The following DOC2A variants were observed in gnomAD, a reference collection of about 807,000 sequenced individuals.
The protein encoded by DOC2A is double C2-like domain-containing protein alpha.
In DOC2A, 28 loss-of-function variants were observed where a neutral mutation model predicts 40.6. The ratio of observed to expected loss-of-function variants is 0.69; its 90% CI spans 0.51 to 0.95. The LOEUF is 0.95. Ranked by LOEUF, DOC2A falls within the 40% of genes least tolerant of loss-of-function variation. The pLI, the probability that DOC2A is intolerant of heterozygous loss-of-function variation, is 0.00. For missense variants in DOC2A, 474 were observed against 552.5 expected (o/e 0.86, Z 1.42); for synonymous variants, 241 against 236.9 (o/e 1.02, Z -0.16).
Position 30,005,877 on chromosome 16 carries a change from G to A in DOC2A, c.*309C>T, listed in dbSNP as rs995401913. 4.7e-5 allele frequency: 23 copies of A among 494,008 alleles called. No individual in the cohort carries two copies. The highest frequency in any genetic ancestry group is 5.2e-4 in the Middle Eastern group (1 of 1,906). The allele number at this position is 494,008 out of a possible 1,614,324, so 30.6% of individuals were successfully genotyped here. ...CTCCTCCCTGTTGGGGGAGAGGGAC[G>A]GGGCAGCGTGGAGAGGCAGGAGTGA... is the stretch of plus-strand genomic sequence containing the variant. On this transcript the variant is annotated 3_prime_UTR_variant, in exon 11 of 11. Transcript: ENST00000350119.
At position 30,010,934 on chromosome 16, in the gene DOC2A, G is replaced by T; in HGVS notation, c.-45C>A. On this transcript the variant is annotated 5_prime_UTR_variant, in exon 1 of 11. Coordinates refer to ENST00000350119, the MANE Select transcript of DOC2A (RefSeq NM_003586.3). This position sits in a 1 kb window ranked among gnomAD's most constrained non-coding sequence, Gnocchi z 4.2. ...CTCCAACAGGTGCCCAGGCACTGGGGGGACGGCGGGCGCAGGCTGGGCGGC... is the reference window on the plus strand; with the variant it reads ...CTCCAACAGGTGCCCAGGCACTGGGTGGACGGCGGGCGCAGGCTGGGCGGC... 1 of 1,014,470 alleles carries T rather than the reference G, an allele frequency of 9.9e-7. No homozygotes were observed. Among genetic ancestry groups the T allele is most frequent in the Non-Finnish European group, 1.2e-6 (1 of 847,284 alleles). The allele number at this position is 1,014,470 out of a possible 1,614,324, so 62.8% of individuals were successfully genotyped here.
chr16:30,006,856 C>T lies in DOC2A; in HGVS notation c.807G>A (p.Leu269=), dbSNP rs375450192. The change falls in exon 8 of 11, where the codon CTG becomes CTA. Residue 269 remains leucine (L), a synonymous_variant. Coordinates refer to ENST00000350119, the MANE Select transcript of DOC2A (RefSeq NM_003586.3). This position sits in a 1 kb window ranked among gnomAD's most constrained non-coding sequence, Gnocchi z 6.2. ...LSYSSRRRGL[L]VGILRCAHLA... ...GATGGGCGCAGCGCAAGATGCCTAC[C>T]AGCAGTCCCCGGCGCCGCGAGCTGT... The T allele has an allele frequency of 3.2e-5, 51 of 1,613,602 alleles. No individual in the cohort carries two copies. Among genetic ancestry groups the T allele is most frequent in the Non-Finnish European group, 4.1e-5 (48 of 1,179,834 alleles).
upstream of DOC2A, chr16:30,013,622 A>AAAAAAAAAAAAAAAAT (rs2070821662): frequency 1.6e-4 from 22 of 141,598 alleles, no homozygotes; most frequent in East Asian, 6.1e-4. Context: ...AAAAAAAAAA[A>AAAAAAAAAAAAAAAAT]AAAAATCCTT....
chr16:30,008,881 T>G, intron 5 of DOC2A, 115 bp downstream of exon 5: 1 of 769,018 alleles, frequency 1.3e-6, no homozygotes. Context: ...GAGCCGCTGA[T>G]GGTTCTTGAG....
chr16:30,009,893 T>G lies in DOC2A; in HGVS notation c.262+68A>C. On this transcript the variant is annotated intron_variant, in intron 2 of 10. Transcript: ENST00000350119. The surrounding 1 kb of genome is among the most constrained non-coding windows in gnomAD (Gnocchi z 4.1). ...GCACAGCCAGCAGGGCCCATCCCCCTCTCCCCCCACCACGGCAAGCCTGGA... is the reference window on the plus strand; with the variant it reads ...GCACAGCCAGCAGGGCCCATCCCCCGCTCCCCCCACCACGGCAAGCCTGGA... 1 of 1,299,196 alleles carries G rather than the reference T, an allele frequency of 7.7e-7. No individual in the cohort carries two copies. The highest frequency in any genetic ancestry group is 1.0e-6 in the Non-Finnish European group (1 of 957,010). 80.5% of individuals were successfully genotyped at this position (1,299,196 alleles called of 1,614,324 possible). A position where few individuals can be genotyped will look rare whatever the true frequency, so the allele number is the denominator to read the frequency against.
chr16:30,016,858 G>A (rs550803402), upstream of DOC2A, among the ~76,000 whole-genome samples: 43 of 152,236 alleles, frequency 2.8e-4, no homozygotes, highest in African/African-American at 1.0e-3. Flanking sequence ...GGAAACTGAC[G>A]TGGGGACAGG....
rs1448666271 is a variant in DOC2A, at chr16:30,006,157, T to C, written c.*29A>G. On this transcript the variant is annotated 3_prime_UTR_variant, in exon 11 of 11. Coordinates refer to ENST00000350119, the MANE Select transcript of DOC2A (RefSeq NM_003586.3). This position sits in a 1 kb window ranked among gnomAD's most constrained non-coding sequence, Gnocchi z 6.2. Reference sequence around the variant, plus strand: ...AGGTTGGGTACTGGACCCGGCTCGATGGGCCTGTGCCGGGACACTGCTGTC... The same window carrying C: ...AGGTTGGGTACTGGACCCGGCTCGACGGGCCTGTGCCGGGACACTGCTGTC... 1.9e-6 allele frequency: 3 copies of C among 1,556,484 alleles called. No individual in the cohort carries two copies. The highest frequency in any genetic ancestry group is 2.7e-5 in the African/African-American group (2 of 73,860).
chr16:30,017,725 G>C (rs936794455), intron 1 of DOC2A, among the ~76,000 whole-genome samples: 1 of 152,152 alleles, frequency 6.6e-6, no homozygotes, highest in Non-Finnish European at 1.5e-5. Context: ...GGGAGGCCAA[G>C]GTGGGCGGAT....
upstream of DOC2A, among the ~76,000 whole-genome samples, chr16:30,022,436 C>T (rs752960895): frequency 2.0e-4 from 30 of 151,684 alleles, no homozygotes; most frequent in Non-Finnish European, 3.5e-4. Flanking sequence ...TTTGGGAGGC[C>T]GAAGCTGGAG....
intron 5 of DOC2A, chr16:30,007,513 C>T (rs1415450435): frequency 4.7e-6 from 3 of 634,324 alleles, no homozygotes; most frequent in African/African-American, 1.8e-5. Context: ...CATGCTCAGC[C>T]ATTGTGGGAA....
Position 30,007,041 on chromosome 16 carries a change from T to A in DOC2A, c.704A>T (p.Tyr235Phe). 6.2e-7 allele frequency: 1 copy of A among 1,613,714 alleles called. No individual in the cohort carries two copies. The highest frequency in any genetic ancestry group is 8.5e-7 in the Non-Finnish European group (1 of 1,179,912). ...CATGAGGTGCCTCACCTCCTTCAGA[T>A]AACAGGAGATGCCCCTCAGCGCCGC... ...MSAALRGISC[Y>F]LKELEQAEQG... The change falls in exon 7 of 11, where the codon TAT becomes TTT. Residue 235 changes from tyrosine (Y) to phenylalanine (F), a missense_variant. Physicochemically the swap from Tyr to Phe is conservative, Grantham distance 22. Transcript: ENST00000350119.
chr16:30,007,405 A>G (rs1331896732), intron 5 of DOC2A, 106 bp from the exon 6 acceptor site: 6 of 1,501,784 alleles, frequency 4.0e-6, no homozygotes, highest in South Asian at 2.3e-5. Flanking sequence ...ACTACGTCTC[A>G]TCTGGAAGAC....
rs759227165 is a variant in DOC2A at position 30,009,043 on chromosome 16, C to T, written c.480G>A (p.Leu160=). The T allele has an allele frequency of 1.2e-5, 19 of 1,614,020 alleles. No homozygotes were observed. Among genetic ancestry groups the T allele is most frequent in the African/African-American group, 2.7e-5 (2 of 74,930 alleles). Residue 160 remains leucine (L), a synonymous_variant, in exon 5 of 11, where the codon CTG becomes CTA. Transcript: ENST00000350119. The surrounding 1 kb of genome is among the most constrained non-coding windows in gnomAD (Gnocchi z 4.1). ...CGTCATCTGTGATCCCGCTGTAAGT[C>T]AGGTCCTCATTCCACACGGGATTCA... The part of the protein sequence containing the change: ...NTLNPVWNED[L]TYSGITDDDI...
chr16:30,014,254 G>T (rs1037052553), upstream of DOC2A, among the ~76,000 whole-genome samples: 4 of 148,018 alleles, frequency 2.7e-5, no homozygotes, highest in Non-Finnish European at 4.4e-5. Context: ...CAATCCTCCC[G>T]CTTCGGCCTC....
Position 30,006,700 on chromosome 16 carries a change from C to T in DOC2A, c.879-23G>A, listed in dbSNP as rs545493325. The stretch of plus-strand genomic sequence containing the variant: ...TACCTGGGGGTGGGGTGGAGGGAGA[C>T]GAACTGAGGGGTGAGGGACAGGCCA... On this transcript the variant is annotated intron_variant, in intron 8 of 10. Transcript: ENST00000350119. The surrounding 1 kb of genome is among the most constrained non-coding windows in gnomAD (Gnocchi z 6.2). The T allele has an allele frequency of 9.9e-6, 16 of 1,613,598 alleles. No homozygotes were observed. Among genetic ancestry groups the T allele is most frequent in the African/African-American group, 2.7e-5 (2 of 74,820 alleles).
At position 30,006,094 on chromosome 16, in the gene DOC2A, C is replaced by G; in HGVS notation, c.*92G>C. On this transcript the variant is annotated 3_prime_UTR_variant, in exon 11 of 11. Coordinates refer to ENST00000350119, the MANE Select transcript of DOC2A (RefSeq NM_003586.3). This position sits in a 1 kb window ranked among gnomAD's most constrained non-coding sequence, Gnocchi z 6.2. The stretch of plus-strand genomic sequence containing the variant: ...AAAAATAGGTAGTGCAGGGTGGGGG[C>G]AGCCCACCCTGTGTAAACGTGCAAC... 3 of 1,400,584 alleles carry G rather than the reference C, an allele frequency of 2.1e-6. No individual in the cohort carries two copies. The highest frequency in any genetic ancestry group is 2.5e-5 in the East Asian group (1 of 39,738). 86.8% of individuals were successfully genotyped at this position (1,400,584 alleles called of 1,614,324 possible).
At chr16:30,017,278 CAAA>C (rs34047589), upstream of DOC2A, among the ~76,000 whole-genome samples, 14 of 124,982 alleles carry the variant, frequency 1.1e-4, no homozygotes, top group Middle Eastern at 4.1e-3. Context: ...GACCCTGTCT[CAAA>C]AAAAAAAAAA....
rs1051440986 is a variant in DOC2A, at chr16:30,007,015, C to T, written c.714+16G>A. ...CTCCCACCCACATGCATCCCCATCC[C>T]CATGAGGTGCCTCACCTCCTTCAGA... On this transcript the variant is annotated intron_variant, in intron 7 of 10. Coordinates refer to ENST00000350119, the MANE Select transcript of DOC2A (RefSeq NM_003586.3). 6.2e-7 allele frequency: 1 copy of T among 1,613,802 alleles called. No individual in the cohort carries two copies. Among genetic ancestry groups the T allele is most frequent in the African/African-American group, 1.3e-5 (1 of 74,854 alleles).
intron 5 of DOC2A, 30 bp from the exon 6 acceptor site, chr16:30,007,329 T>G: frequency 1.2e-6 from 2 of 1,613,388 alleles, no homozygotes; most frequent in South Asian, 2.2e-5. Context: ...TCAGGGCCCC[T>G]GGGGTACCTG....
Sources: gnomAD v4.1 joint callset for allele counts (sites outside exome capture counted in the v4.1 genomes callset) on GRCh38, gnomAD v4.1.1 for gene constraint, Gnocchi (gnomAD v3.1) non-coding constraint, MANE v1.5 for transcripts, NCBI Gene and HGNC (gene_info 2026-07-23, HGNC 2026-07-21) for gene names.